Variants in SLC25A12 observed in about 807,000 individuals in gnomAD.
SLC25A12 encodes electrogenic aspartate/glutamate antiporter SLC25A12, mitochondrial.
Under a neutral mutation model 83.3 loss-of-function variants are expected in SLC25A12, and 32 were observed. That is an observed-to-expected ratio of 0.38 (90% confidence interval 0.29 to 0.52). The LOEUF (loss-of-function observed/expected upper bound fraction) is 0.52, where lower values mean the gene tolerates loss of function less well. SLC25A12 is among the 20% of genes least tolerant of loss of function. The pLI is 0.84. For missense variants in SLC25A12, 611 were observed against 835.6 expected, an observed-to-expected ratio of 0.73 and a Z score of 3.31; for synonymous variants, 267 against 291.1, an observed-to-expected ratio of 0.92 and a Z score of 0.84.
At chr2:171,878,260 T>C (rs531813344) in intron 2 of SLC25A12, among the ~76,000 whole-genome samples, 1 of 152,192 alleles carries the variant, frequency 6.6e-6, no homozygotes, top group East Asian at 1.9e-4. Context: ...TCAAGAATTT[T>C]TGGGCAAAAC....
At chr2:171,832,103 G>A (rs1684443855) in intron 8 of SLC25A12, among the ~76,000 whole-genome samples, 1 of 152,144 alleles carries the variant, frequency 6.6e-6, no homozygotes, top group South Asian at 2.1e-4. Context: ...TGGTTTCAAG[G>A]AAACCATTCC....
At chr2:171,841,816 G>GT (rs1684678967) in intron 5 of SLC25A12, among the ~76,000 whole-genome samples, 2 of 152,330 alleles carry the variant, frequency 1.3e-5, no homozygotes, top group South Asian at 2.1e-4. Flanking sequence ...GAGGTTCAAC[G>GT]TAACAGAACA....
chr2:171,851,831 G>A (rs1363907417), intron 4 of SLC25A12, among the ~76,000 whole-genome samples: 3 of 152,090 alleles, frequency 2.0e-5, no homozygotes, highest in South Asian at 2.1e-4. Flanking sequence ...CACTGCTCCC[G>A]GCCTTTTTTT....
intron 2 of SLC25A12, among the ~76,000 whole-genome samples, chr2:171,887,865 CTT>C: frequency 6.6e-6 from 1 of 152,162 alleles, no homozygotes. Flanking sequence ...AAGGCAGAAT[CTT>C]AGTGCATACT....
chr2:171,799,562 A>G (rs1683666686), intron 13 of SLC25A12, among the ~76,000 whole-genome samples: 1 of 152,122 alleles, frequency 6.6e-6, no homozygotes, highest in Non-Finnish European at 1.5e-5. Flanking sequence ...CTTTACCGAT[A>G]TGAAGGGAGG....
At chr2:171,794,399 A>C (rs1398061537) in intron 13 of SLC25A12, among the ~76,000 whole-genome samples, 4 of 152,214 alleles carry the variant, frequency 2.6e-5, no homozygotes, top group Non-Finnish European at 4.4e-5. Flanking sequence ...TTAGAAAGAT[A>C]AATTTCAGTA....
At chr2:171,818,925 G>A (rs1337684967) in intron 9 of SLC25A12, among the ~76,000 whole-genome samples, 1 of 151,482 alleles carries the variant, frequency 6.6e-6, no homozygotes, top group Non-Finnish European at 1.5e-5. Context: ...AAAAATGTAT[G>A]ACTGGAATGG....
In SLC25A12 at chr2:171,878,110, C is replaced by T. The variant is rs1483924851; in HGVS notation, c.67-9287G>A. On this transcript the variant is annotated intron_variant, in intron 2 of 17. Coordinates refer to ENST00000422440, the MANE Select transcript of SLC25A12 (RefSeq NM_003705.5). ...ATTCATTTTGAAACTGTGTACCAGGCACTATGCCTGGTGCCTGGTACTGGG... is the reference window on the plus strand; with the variant it reads ...ATTCATTTTGAAACTGTGTACCAGGTACTATGCCTGGTGCCTGGTACTGGG... Among the ~76,000 whole-genome samples the T allele has an allele frequency of 2.6e-5, 4 of 152,270 alleles. No homozygotes were observed. In the East Asian group the frequency reaches 7.7e-4, roughly 29 times the overall value.
chr2:171,855,963 T>G lies in SLC25A12; in HGVS notation c.210-14A>C, dbSNP rs770951176. On this transcript the variant is annotated splice_polypyrimidine_tract_variant and intron_variant, in intron 3 of 17. Transcript: ENST00000422440. ...TAGGAGATCAACCTGGAATAAAATA[T>G]AAAACGTCATTGGCTGGTGAAGAAA... 2 of 1,409,708 alleles carry G rather than the reference T, an allele frequency of 1.4e-6. No individual in the cohort carries two copies. Among genetic ancestry groups the G allele is most frequent in the Non-Finnish European group, 2.0e-6 (2 of 993,788 alleles). 87.3% of individuals were successfully genotyped at this position (1,409,708 alleles called of 1,614,324 possible). A position where few individuals can be genotyped will look rare whatever the true frequency, so the allele number is the denominator to read the frequency against.
intron 2 of SLC25A12, among the ~76,000 whole-genome samples, chr2:171,886,435 G>A (rs1010838184): frequency 2.1e-5 from 3 of 143,940 alleles, no homozygotes; most frequent in South Asian, 2.2e-4. Flanking sequence ...GTTTTGCCAC[G>A]TTGCCTAGGC....
intron 2 of SLC25A12, among the ~76,000 whole-genome samples, chr2:171,876,317 A>C (rs1203228800): frequency 6.6e-6 from 1 of 152,210 alleles, no homozygotes; most frequent in East Asian, 1.9e-4. Flanking sequence ...TACAGGAGAC[A>C]GTTAACTAAT....
At chr2:171,800,253 A>G (rs910642049) in intron 13 of SLC25A12, among the ~76,000 whole-genome samples, 1 of 152,172 alleles carries the variant, frequency 6.6e-6, no homozygotes, top group African/African-American at 2.4e-5. Flanking sequence ...CATGATGTAT[A>G]AACAACTTTT....
At chr2:171,865,251 C>T (rs1443693023) in intron 3 of SLC25A12, among the ~76,000 whole-genome samples, 1 of 151,916 alleles carries the variant, frequency 6.6e-6, no homozygotes, top group African/African-American at 2.4e-5. Context: ...AGGCTTTTCC[C>T]GTGAAATATT....
chr2:171,791,376 G>T (rs1445163503), intron 15 of SLC25A12, 75 bp downstream of exon 15: 3 of 1,223,688 alleles, frequency 2.5e-6, no homozygotes, highest in Admixed American at 1.7e-5. Context: ...GAAATAAAGG[G>T]GGAAAGTACA....
Position 171,875,910 on chromosome 2 carries a change from C to CAAAAA in SLC25A12, c.67-7092_67-7088dup, listed in dbSNP as rs34276775. ...CCTGGGCGAGCGCAAGACTCTGTCT[C>CAAAAA]AAAAAAAAAAAAAAAAAAAAGAAAC... On this transcript the variant is annotated intron_variant, in intron 2 of 17. Coordinates refer to ENST00000422440, the MANE Select transcript of SLC25A12 (RefSeq NM_003705.5). Among the ~76,000 whole-genome samples the CAAAAA allele has an allele frequency of 1.2e-3, 117 of 98,628 alleles. 3 individuals carry two copies. The highest frequency in any genetic ancestry group is 1.4e-3 in the Non-Finnish European group (76 of 52,592). The allele number at this position is 98,628 out of a possible 152,430, so 64.7% of individuals were successfully genotyped here.
Position 171,792,460 on chromosome 2 carries a change from CTTTCTTT to C in SLC25A12, c.1447-878_1447-872del, listed in dbSNP as rs972342523. Reference sequence around the variant, plus strand: ...GCACCACTGTGCCGGCTAATTTTTTCTTTCTTTTTTTTTTTTAAGGTAGACACAAGGT... The same window carrying C: ...GCACCACTGTGCCGGCTAATTTTTTCTTTTTTTTTAAGGTAGACACAAGGT... On this transcript the variant is annotated intron_variant, in intron 14 of 17. Coordinates refer to ENST00000422440, the MANE Select transcript of SLC25A12 (RefSeq NM_003705.5). Among the ~76,000 whole-genome samples, 37 of 147,454 alleles carry C rather than the reference CTTTCTTT, an allele frequency of 2.5e-4. 1 individual carries two copies. The highest frequency in any genetic ancestry group is 3.9e-4 in the Non-Finnish European group (26 of 66,506).
Position 171,788,005 on chromosome 2 carries a change from C to G in SLC25A12, c.1586-58G>C, listed in dbSNP as rs1222399778. On this transcript the variant is annotated intron_variant, in intron 15 of 17. Transcript: ENST00000422440. ...GAGTACCTTATAAAAGATAGGAATA[C>G]TGCTAACATCTACTATAGAGCCTGC... 4 of 1,550,780 alleles carry G rather than the reference C, an allele frequency of 2.6e-6. No individual in the cohort carries two copies. In the Admixed American group the frequency reaches 6.8e-5, roughly 26 times the overall value.
rs370160410 is a variant in SLC25A12 at position 171,885,029 on chromosome 2, C to T, written c.66+8176G>A. On this transcript the variant is annotated intron_variant, in intron 2 of 17. Coordinates refer to ENST00000422440, the MANE Select transcript of SLC25A12 (RefSeq NM_003705.5). ...GAGACTGAGACCATCCTGGCTAACA[C>T]GGTGAAACCCTGTCTCTACTAAAAA... 1.7e-4 allele frequency among the ~76,000 whole-genome samples: 26 copies of T among 152,034 alleles called. No individual in the cohort carries two copies. The East Asian group carries it at 2.0e-3, about 11-fold the overall frequency.
chr2:171,786,404 A>T (rs931150776), intron 17 of SLC25A12, among the ~76,000 whole-genome samples: 1 of 130,680 alleles, frequency 7.7e-6, no homozygotes, highest in Non-Finnish European at 1.6e-5. Context: ...AAAAAAAAAA[A>T]GAGAGAGAGA....
Sources: allele counts gnomAD v4.1 joint callset (sites outside exome capture counted in the v4.1 genomes callset), GRCh38; gene constraint gnomAD v4.1.1; transcripts MANE v1.5; gene names NCBI Gene and HGNC (gene_info 2026-07-23, HGNC 2026-07-21).